PARD3B: variants seen among roughly 807,000 people sequenced by gnomAD.
PARD3B encodes partitioning defective 3 homolog B.
In PARD3B, 103 loss-of-function variants were observed where a neutral mutation model predicts 130.2. That is an observed-to-expected ratio of 0.79 (90% CI 0.67 to 0.93). The LOEUF (loss-of-function observed/expected upper bound fraction) is 0.93, where lower values mean the gene tolerates loss of function less well. Ranked by LOEUF, PARD3B falls within the 40% of genes least tolerant of loss-of-function variation. PARD3B has a pLI of 0.00. For missense variants in PARD3B, 1,609 were observed against 1,499.2 expected, an observed-to-expected ratio of 1.07 and a Z score of -1.21; for synonymous variants, 583 against 553.2, an observed-to-expected ratio of 1.05 and a Z score of -0.76.
chr2:205,599,854 A>T (rs1045419528), intron 22 of PARD3B, among the ~76,000 whole-genome samples: 1 of 152,110 alleles, frequency 6.6e-6, no homozygotes, highest in South Asian at 2.1e-4. Flanking sequence ...TTTTGGCTCT[A>T]TTTTACCTAC....
chr2:205,156,294 G>A lies in PARD3B; in HGVS notation c.1435-2428G>A, dbSNP rs538973488. On this transcript the variant is annotated intron_variant, in intron 10 of 22. Transcript: ENST00000406610. Reference sequence around the variant, plus strand: ...GGCGGGGGGGGGAGGAATAGCATTAGGAGATATACCTAATGCTAAATGACG... The same window carrying A: ...GGCGGGGGGGGGAGGAATAGCATTAAGAGATATACCTAATGCTAAATGACG... 2.7e-5 allele frequency among the ~76,000 whole-genome samples: 4 copies of A among 150,710 alleles called. No individual in the cohort carries two copies. In the East Asian group the frequency reaches 5.9e-4, roughly 22 times the overall value.
At chr2:205,014,476 G>A (rs1015753596) in intron 3 of PARD3B, among the ~76,000 whole-genome samples, 3 of 152,206 alleles carry the variant, frequency 2.0e-5, no homozygotes, top group African/African-American at 7.2e-5. Context: ...GCCCCAGTGT[G>A]TGTGCCGAGG....
At chr2:205,209,125 T>A (rs1204781902) in intron 15 of PARD3B, among the ~76,000 whole-genome samples, 4 of 137,130 alleles carry the variant, frequency 2.9e-5, no homozygotes, top group Admixed American at 1.5e-4. Context: ...GGGGAAAGGA[T>A]TCCCTATTTA....
At chr2:205,355,349 A>G (rs982364761) in intron 18 of PARD3B, among the ~76,000 whole-genome samples, 1 of 152,214 alleles carries the variant, frequency 6.6e-6, no homozygotes, top group Non-Finnish European at 1.5e-5. Context: ...ACCATGATGC[A>G]TTTGTTTTAT....
At chr2:205,226,974 A>T (rs2038585321) in intron 15 of PARD3B, among the ~76,000 whole-genome samples, 1 of 151,924 alleles carries the variant, frequency 6.6e-6, no homozygotes, top group Non-Finnish European at 1.5e-5. Flanking sequence ...ATGTGTTTAT[A>T]TTTAGTTTTC....
At position 205,553,328 on chromosome 2, in the gene PARD3B, C is replaced by T. The variant is rs752404590; in HGVS notation, c.3185C>T (p.Pro1062Leu). 3 of 1,613,802 alleles carry T rather than the reference C, an allele frequency of 1.9e-6. No individual in the cohort carries two copies. The highest frequency in any genetic ancestry group is 8.5e-7 in the Non-Finnish European group (1 of 1,179,752). Residue 1062 changes from proline to leucine, a missense_variant, in exon 22 of 23, where the codon CCT (proline) becomes CTT (leucine). Transcript: ENST00000406610. ...RPSEYDLLWVPGRGPDGNAHN... is the reference protein window; with the variant it reads ...RPSEYDLLWVLGRGPDGNAHN... Reference sequence around the variant, plus strand: ...TAATTGCTTTTCTCTCCACAGGTGCCTGGAAGGGGTCCAGATGGGAATGCA... The same window carrying T: ...TAATTGCTTTTCTCTCCACAGGTGCTTGGAAGGGGTCCAGATGGGAATGCA...
chr2:205,124,516 T>A (rs1291823441), intron 9 of PARD3B, 50 bp downstream of exon 9: 9 of 1,363,280 alleles, frequency 6.6e-6, no homozygotes, highest in Non-Finnish European at 8.9e-6. Context: ...GGCATTTAAA[T>A]AATGCCATTT....
At chr2:204,566,208 A>C (rs554270549) in intron 1 of PARD3B, among the ~76,000 whole-genome samples, 4 of 152,356 alleles carry the variant, frequency 2.6e-5, no homozygotes, top group African/African-American at 9.6e-5. Context: ...ATTTAAAAAA[A>C]ATCTTCAATC....
chr2:205,376,113 G>A (rs186292199), intron 18 of PARD3B, among the ~76,000 whole-genome samples: 171 of 152,208 alleles, frequency 1.1e-3, no homozygotes, highest in Middle Eastern at 3.4e-3. Context: ...GGACTTTACC[G>A]TAGATTATCC....
chr2:204,597,238 T>C (rs893292193), intron 1 of PARD3B, among the ~76,000 whole-genome samples: 2 of 151,838 alleles, frequency 1.3e-5, no homozygotes, highest in Admixed American at 6.6e-5. Flanking sequence ...ATTTTTCTTA[T>C]GTGGCAGGAG....
At chr2:205,024,162 C>CTTTTT (rs1172893472) in intron 3 of PARD3B, among the ~76,000 whole-genome samples, 932 of 98,698 alleles carry the variant, frequency 9.4e-3, no homozygotes, top group East Asian at 0.017. Context: ...TTCTTTCTTT[C>CTTTTT]TTTTTTTTTT....
chr2:204,835,766 G>T (rs2044008018), intron 2 of PARD3B, among the ~76,000 whole-genome samples: 1 of 152,174 alleles, frequency 6.6e-6, no homozygotes, highest in Non-Finnish European at 1.5e-5. Context: ...AATATGTGGC[G>T]TGATCCTCAC....
At chr2:204,905,945 C>A (rs534612870) in intron 2 of PARD3B, among the ~76,000 whole-genome samples, 1 of 152,180 alleles carries the variant, frequency 6.6e-6, no homozygotes, top group South Asian at 2.1e-4. Context: ...GAGAGTAACA[C>A]GTCTAAGACT....
At chr2:204,923,628 G>A (rs2047767256) in intron 2 of PARD3B, among the ~76,000 whole-genome samples, 1 of 151,996 alleles carries the variant, frequency 6.6e-6, no homozygotes, top group South Asian at 2.1e-4. Flanking sequence ...TGGAGATTGG[G>A]TGGAAGAAAA....
rs758105749 is a variant in PARD3B, at chr2:205,015,568, G to A, written c.395-32013G>A. Among the ~76,000 whole-genome samples the A allele has an allele frequency of 3.9e-5, 6 of 152,180 alleles. No individual in the cohort carries two copies. Among genetic ancestry groups the A allele is most frequent in the Non-Finnish European group, 7.3e-5 (5 of 68,040 alleles). On this transcript the variant is annotated intron_variant, in intron 3 of 22. Coordinates refer to ENST00000406610, the MANE Select transcript of PARD3B (RefSeq NM_001302769.2). This position sits in a 1 kb window ranked among gnomAD's most constrained non-coding sequence, Gnocchi z 4.5. ...AAACAGGTATTGGATGATAGTTGGG[G>A]AATTGAGTGAGTGAACTAATGAAAT...
chr2:205,380,240 T>C (rs2045278187), intron 18 of PARD3B, among the ~76,000 whole-genome samples: 4 of 73,578 alleles, frequency 5.4e-5, no homozygotes, highest in Non-Finnish European at 7.1e-5. Flanking sequence ...GTAAAGAATA[T>C]ATATTATATA....
At chr2:205,204,598 C>T (rs2037179507) in intron 15 of PARD3B, among the ~76,000 whole-genome samples, 1 of 152,086 alleles carries the variant, frequency 6.6e-6, no homozygotes, top group Non-Finnish European at 1.5e-5. Flanking sequence ...ATTTTTAAGT[C>T]TTTAATCCAT....
intron 3 of PARD3B, among the ~76,000 whole-genome samples, chr2:205,000,167 A>G (rs190544334): frequency 1.3e-5 from 2 of 152,302 alleles, no homozygotes; most frequent in Non-Finnish European, 1.5e-5. Flanking sequence ...GGCAGATACC[A>G]CATGCTAGAA....
chr2:205,167,167 T>A (rs1249839025), intron 11 of PARD3B, among the ~76,000 whole-genome samples: 1 of 152,130 alleles, frequency 6.6e-6, no homozygotes, highest in Non-Finnish European at 1.5e-5. Context: ...CACACAACAT[T>A]GCCAGTAATC....
Sources: gnomAD v4.1 joint callset for allele counts (sites outside exome capture counted in the v4.1 genomes callset) on GRCh38, gnomAD v4.1.1 for gene constraint, Gnocchi (gnomAD v3.1) non-coding constraint, MANE v1.5 for transcripts, NCBI Gene and HGNC (gene_info 2026-07-23, HGNC 2026-07-21) for gene names.